The following POF1B variants were observed in gnomAD, a reference collection of about 807,000 sequenced individuals.
POF1B encodes the protein POF1B actin binding protein.
POF1B carries 53 observed loss-of-function variants against 55.3 expected under a neutral mutation model. The ratio of observed to expected loss-of-function variants is 0.96; its 90% CI spans 0.77 to 1.20. POF1B has a LOEUF of 1.20. Among genes scored for constraint, POF1B ranks in the 50% most tolerant of loss-of-function variants. The pLI is 0.00. For missense variants in POF1B, 478 were observed against 420.5 expected (o/e 1.14, Z -1.20); for synonymous variants, 188 against 148.3 (o/e 1.27, Z -1.95).
chrX:85,341,299 G>A (rs897030056), intron 6 of POF1B, among the ~76,000 whole-genome samples: 3 of 110,778 alleles, frequency 2.7e-5, no homozygotes, highest in Non-Finnish European at 5.7e-5. Context: ...TTGCCTCTGG[G>A]GATCAGCTCT....
rs188862476 is a variant in POF1B at position 85,345,580 on chromosome X, G to A, written c.723+280C>T. ...TGAAAATATTTAACATTGCACAACT[G>A]TTGGGCCCATTTTAGAACTGAAGAT... On this transcript the variant is annotated intron_variant, in intron 6 of 16. Transcript: ENST00000262753. Among the ~76,000 whole-genome samples, 10 of 110,948 alleles carry A rather than the reference G, an allele frequency of 9.0e-5. No individual in the cohort carries two copies. The East Asian group carries it at 2.8e-3, about 32-fold the overall frequency.
At chrX:85,294,475 C>A (rs1188016672) in intron 15 of POF1B, among the ~76,000 whole-genome samples, 7 of 112,049 alleles carry the variant, frequency 6.2e-5, no homozygotes, top group African/African-American at 2.3e-4. Flanking sequence ...AAGATAATCA[C>A]ATGTTCTTTT....
chrX:85,297,852 T>A (rs1932340910), intron 15 of POF1B, among the ~76,000 whole-genome samples: 1 of 112,021 alleles, frequency 8.9e-6, no homozygotes, highest in Admixed American at 9.4e-5. Context: ...GGACAGGCCC[T>A]GGAGACAGAG....
Position 85,289,939 on chromosome X carries a change from A to G in POF1B, c.1650-7622T>C, listed in dbSNP as rs760215058. ...AAAGGGAGGGAGGAAAGCAGGCAATAGAAAATAATTTTTGTATTTTATTTA... is the reference window on the plus strand; with the variant it reads ...AAAGGGAGGGAGGAAAGCAGGCAATGGAAAATAATTTTTGTATTTTATTTA... On this transcript the variant is annotated intron_variant, in intron 15 of 16. Transcript: ENST00000262753. Among the ~76,000 whole-genome samples the G allele has an allele frequency of 3.6e-5, 4 of 111,819 alleles. No homozygotes were observed. In the East Asian group the frequency reaches 1.1e-3, roughly 32 times the overall value.
intron 7 of POF1B, among the ~76,000 whole-genome samples, chrX:85,321,957 T>A (rs1932842285): frequency 9.1e-6 from 1 of 110,443 alleles, no homozygotes; most frequent in African/African-American, 3.3e-5. Context: ...TACAAACAAA[T>A]GGAAGAACAT....
At chrX:85,279,583 T>C (rs1431873309) in intron 16 of POF1B, among the ~76,000 whole-genome samples, 157 bp from the exon 17 acceptor site, 1 of 111,105 alleles carries the variant, frequency 9.0e-6, no homozygotes, top group Non-Finnish European at 1.9e-5. Flanking sequence ...ATATATTCAA[T>C]GAAACAATGA....
rs1487254862 is a variant in POF1B at position 85,379,262 on chromosome X, C to A, written c.193G>T (p.Ala65Ser). Residue 65 changes from alanine (A) to serine (S), a missense_variant, in exon 2 of 17, where the codon GCC becomes TCC. Physicochemically the swap from Ala to Ser is moderately conservative, Grantham distance 99 (BLOSUM62 1). Coordinates refer to ENST00000262753, the MANE Select transcript of POF1B (RefSeq NM_024921.4). ...TCCCGTGAGTTGAAGGGGTCCAAGG[C>A]CTGCACCACCTTGTTCATGGGCCCA... ...YSGPMNKVVQALDPFNSREVL... is the reference protein window; with the variant it reads ...YSGPMNKVVQSLDPFNSREVL... 5 of 1,210,464 alleles carry A rather than the reference C, an allele frequency of 4.1e-6. No individual in the cohort carries two copies. Among genetic ancestry groups the A allele is most frequent in the Non-Finnish European group, 5.6e-6 (5 of 895,049 alleles).
At chrX:85,299,406 A>C in intron 15 of POF1B, among the ~76,000 whole-genome samples, 1 of 104,439 alleles carries the variant, frequency 9.6e-6, no homozygotes, top group South Asian at 4.4e-4. Flanking sequence ...CTCCTGCCTC[A>C]GCCTCCCGAG....
intron 7 of POF1B, among the ~76,000 whole-genome samples, chrX:85,319,306 G>T (rs868052745): frequency 1.8e-5 from 2 of 111,372 alleles, no homozygotes; most frequent in East Asian, 5.6e-4. Context: ...GAATCATATT[G>T]TCTGCAAACA....
chrX:85,305,537 A>T, intron 13 of POF1B, among the ~76,000 whole-genome samples: 1 of 111,712 alleles, frequency 9.0e-6, no homozygotes, highest in Non-Finnish European at 1.9e-5. Flanking sequence ...AAATAAATTA[A>T]TAAAAACCAA....
intron 15 of POF1B, 108 bp from the exon 16 acceptor site, chrX:85,282,425 A>G (rs1309844173): frequency 2.3e-6 from 1 of 441,500 alleles, no homozygotes; most frequent in African/African-American, 2.6e-5. Flanking sequence ...TCGGCTCTGA[A>G]TGACTTTTTA....
chrX:85,337,412 T>C (rs915869174), intron 6 of POF1B, among the ~76,000 whole-genome samples: 1 of 111,963 alleles, frequency 8.9e-6, no homozygotes, highest in African/African-American at 3.2e-5. Context: ...CTTTCAGTGA[T>C]ACGAAGTTAC....
intron 13 of POF1B, among the ~76,000 whole-genome samples, chrX:85,305,255 T>A (rs760455820): frequency 9.0e-6 from 1 of 111,190 alleles, no homozygotes; most frequent in South Asian, 3.7e-4. Flanking sequence ...AAAATAAGGG[T>A]TAGATTAAGT....
At chrX:85,291,690 A>G (rs1932189691) in intron 15 of POF1B, among the ~76,000 whole-genome samples, 1 of 110,283 alleles carries the variant, frequency 9.1e-6, no homozygotes, top group African/African-American at 3.3e-5. Context: ...GCAATTGTGA[A>G]TAGGAGGTCA....
intron 4 of POF1B, among the ~76,000 whole-genome samples, chrX:85,354,604 C>G (rs1376980586): frequency 9.0e-6 from 1 of 111,057 alleles, no homozygotes; most frequent in Non-Finnish European, 1.9e-5. Context: ...GCAACTTCGG[C>G]AAAGTCTCAG....
At chrX:85,373,520 A>G (rs1296322538) in intron 2 of POF1B, among the ~76,000 whole-genome samples, 1 of 111,759 alleles carries the variant, frequency 8.9e-6, no homozygotes, top group African/African-American at 3.2e-5. Context: ...ATGAAATATT[A>G]TTTTCACTGG....
chrX:85,293,971 CAA>C (rs200802802), intron 15 of POF1B, among the ~76,000 whole-genome samples: 8 of 78,637 alleles, frequency 1.0e-4, no homozygotes, highest in East Asian at 3.9e-4. Context: ...AAGACTCTGT[CAA>C]AAAAAAAAAA....
chrX:85,307,525 T>TTTA (rs1384603806), intron 10 of POF1B, among the ~76,000 whole-genome samples: 1 of 111,591 alleles, frequency 9.0e-6, no homozygotes, highest in African/African-American at 3.3e-5. Flanking sequence ...TCTGAAATGT[T>TTTA]TTAATGTTTT....
At chrX:85,326,261 C>T (rs1362606664) in intron 7 of POF1B, among the ~76,000 whole-genome samples, 1 of 110,428 alleles carries the variant, frequency 9.1e-6, no homozygotes, top group Non-Finnish European at 1.9e-5. Context: ...ACAGTGGCAG[C>T]GGTGGCAGCA....
Sources: gnomAD v4.1 joint callset for allele counts (sites outside exome capture counted in the v4.1 genomes callset) on GRCh38, gnomAD v4.1.1 for gene constraint, MANE v1.5 for transcripts, NCBI Gene and HGNC (gene_info 2026-07-23, HGNC 2026-07-21) for gene names.